VCL: variants seen among roughly 807,000 people sequenced by gnomAD.
VCL encodes the protein vinculin.
Under a neutral mutation model 125.7 loss-of-function variants are expected in VCL, and 47 were observed. The ratio of observed to expected loss-of-function variants is 0.37; its 90% CI spans 0.30 to 0.48. The LOEUF is 0.48. Ranked by LOEUF, VCL falls within the 20% of genes least tolerant of loss-of-function variation. The pLI is 0.99. For missense variants in VCL, 1,069 were observed against 1,455.5 expected, an observed-to-expected ratio of 0.73 and a Z score of 4.32; for synonymous variants, 458 against 514.6, an observed-to-expected ratio of 0.89 and a Z score of 1.49.
intron 18 of VCL, among the ~76,000 whole-genome samples, chr10:74,110,089 T>C (rs1840197576): frequency 6.6e-6 from 1 of 152,178 alleles, no homozygotes; most frequent in Non-Finnish European, 1.5e-5. Flanking sequence ...TTTGCTGAAC[T>C]GTTAGCTGTG....
At chr10:74,047,078 A>G (rs959061205) in intron 2 of VCL, among the ~76,000 whole-genome samples, 3 of 152,206 alleles carry the variant, frequency 2.0e-5, no homozygotes, top group South Asian at 2.1e-4. Context: ...AGAGTAGCCC[A>G]ATAGCCCTAG....
Position 74,095,809 on chromosome 10 carries a change from G to C in VCL, c.1697G>C (p.Ser566Thr). The C allele has an allele frequency of 6.2e-7, 1 of 1,614,156 alleles. No individual in the cohort carries two copies. The highest frequency in any genetic ancestry group is 8.5e-7 in the Non-Finnish European group (1 of 1,180,036). Residue 566 changes from serine (S) to threonine (T), a missense_variant, in exon 12 of 22, where the codon AGT becomes ACT. Ser to Thr is a moderately conservative substitution (Grantham distance 58, BLOSUM62 1). This residue lies in a region of VCL where 760 missense variants were observed against 928.9 expected (regional missense o/e 0.82). Coordinates refer to ENST00000211998, the MANE Select transcript of VCL (RefSeq NM_014000.3). Reference protein sequence around the residue: ...ADLAARGEGESPQARALASQL... With the variant: ...ADLAARGEGETPQARALASQL... ...CTGGCTGCCAGAGGGGAAGGGGAGA[G>C]TCCTCAGGCACGAGCACTTGCATCT...
intron 1 of VCL, among the ~76,000 whole-genome samples, chr10:74,032,644 G>A (rs1382898545): frequency 2.0e-5 from 3 of 151,298 alleles, no homozygotes; most frequent in Admixed American, 2.0e-4. Flanking sequence ...AGGTTGCAGT[G>A]AGCCCAGATT....
intron 1 of VCL, among the ~76,000 whole-genome samples, chr10:74,008,697 C>T (rs767337569): frequency 3.3e-5 from 5 of 152,136 alleles, no homozygotes; most frequent in Non-Finnish European, 5.9e-5. Flanking sequence ...GTCATGGTTC[C>T]GACAGCGGGG....
In VCL at chr10:74,097,010, AC is replaced by A. The variant is rs150514819; in HGVS notation, c.1744-192del. Among the ~76,000 whole-genome samples the A allele has an allele frequency of 0.017, 2,537 of 152,270 alleles. 74 individuals carry two copies. Among genetic ancestry groups the A allele is most frequent in the African/African-American group, 0.058 (2,399 of 41,534 alleles). On this transcript the variant is annotated intron_variant, in intron 12 of 21. Coordinates refer to ENST00000211998, the MANE Select transcript of VCL (RefSeq NM_014000.3). The surrounding 1 kb of genome is among the most constrained non-coding windows in gnomAD (Gnocchi z 4.1). ...GTGGGTCATGTCTTATTTCTACTAC[AC>A]CACTAATGTCTTACAGGGCAGGATT... is the stretch of plus-strand genomic sequence containing the variant.
chr10:74,011,165 C>CAA lies in VCL; in HGVS notation c.168+12815_168+12816dup, dbSNP rs71021585. The stretch of plus-strand genomic sequence containing the variant: ...GGGCAACAAGAGTGAAACTCTATCT[C>CAA]AAAAAAAAAAAAAAAAAAAAAAAAA... On this transcript the variant is annotated intron_variant, in intron 1 of 21. Coordinates refer to ENST00000211998, the MANE Select transcript of VCL (RefSeq NM_014000.3). Among the ~76,000 whole-genome samples, 38 of 52,320 alleles carry CAA rather than the reference C, an allele frequency of 7.3e-4. 1 individual carries two copies. The highest frequency in any genetic ancestry group is 1.7e-3 in the Admixed American group (7 of 4,030). 34.3% of individuals were successfully genotyped at this position (52,320 alleles called of 152,430 possible).
chr10:74,068,896 G>A (rs1386686849), intron 2 of VCL, among the ~76,000 whole-genome samples: 2 of 151,418 alleles, frequency 1.3e-5, no homozygotes, highest in East Asian at 1.9e-4. Context: ...TTAAATATGT[G>A]TATATGCTTG....
At chr10:74,021,433 T>A (rs911583783) in intron 1 of VCL, among the ~76,000 whole-genome samples, 1 of 152,164 alleles carries the variant, frequency 6.6e-6, no homozygotes, top group African/African-American at 2.4e-5. Flanking sequence ...ATAAAAATTC[T>A]GAGTCATAGA....
intron 11 of VCL, 135 bp downstream of exon 11, chr10:74,094,596 C>A: frequency 9.0e-7 from 1 of 1,106,056 alleles, no homozygotes; most frequent in Non-Finnish European, 1.3e-6. Flanking sequence ...GATTCCATTT[C>A]CAAATGCAGC....
At chr10:74,051,411 A>G (rs997730624) in intron 2 of VCL, among the ~76,000 whole-genome samples, 3 of 151,784 alleles carry the variant, frequency 2.0e-5, no homozygotes, top group African/African-American at 7.3e-5. Context: ...TAATTTTTGT[A>G]TTTTTAGTAG....
chr10:74,050,416 A>G (rs12411947), intron 2 of VCL, among the ~76,000 whole-genome samples: 3,892 of 152,280 alleles, frequency 0.026, 60 homozygotes, highest in East Asian at 0.06. Flanking sequence ...CAGTTATGGT[A>G]TTTACTTATA....
At chr10:74,020,295 AT>A (rs1840636068) in intron 1 of VCL, among the ~76,000 whole-genome samples, 1 of 152,162 alleles carries the variant, frequency 6.6e-6, no homozygotes. Context: ...CTCATCAATG[AT>A]TTTATTGAAG....
intron 2 of VCL, among the ~76,000 whole-genome samples, chr10:74,057,546 C>T (rs1841409323): frequency 6.6e-6 from 1 of 152,180 alleles, no homozygotes; most frequent in African/African-American, 2.4e-5. Flanking sequence ...CCTGTCTTCT[C>T]ACTCAGGCCT....
In VCL at chr10:74,105,199, C is replaced by T; in HGVS notation, c.2280C>T (p.Ala760=). 6.2e-7 allele frequency: 1 copy of T among 1,614,170 alleles called. No homozygotes were observed. The highest frequency in any genetic ancestry group is 8.5e-7 in the Non-Finnish European group (1 of 1,180,024). The part of the protein sequence containing the change: ...VAGATSIARR[A]NRILLVAKRE... Reference sequence around the variant, plus strand: ...GGGCAACCAGTATTGCTCGTCGGGCCAACCGGATCCTGCTGGTGGCTAAGA... The same window carrying T: ...GGGCAACCAGTATTGCTCGTCGGGCTAACCGGATCCTGCTGGTGGCTAAGA... Residue 760 remains alanine, a synonymous_variant, in exon 16 of 22, where the codon GCC becomes GCT. Coordinates refer to ENST00000211998, the MANE Select transcript of VCL (RefSeq NM_014000.3).
intron 1 of VCL, among the ~76,000 whole-genome samples, chr10:74,018,201 T>TATATATATATAA (rs1433937715): frequency 4.3e-5 from 6 of 139,798 alleles, no homozygotes; most frequent in African/African-American, 1.0e-4. Context: ...TATATATATA[T>TATATATATATAA]AAATACATAT....
chr10:74,013,570 A>G (rs1840476712), intron 1 of VCL, among the ~76,000 whole-genome samples: 1 of 152,020 alleles, frequency 6.6e-6, no homozygotes, highest in Non-Finnish European at 1.5e-5. Context: ...TCAGCACATG[A>G]TAAAAATTTT....
intron 1 of VCL, among the ~76,000 whole-genome samples, chr10:74,020,011 C>T (rs1288230269): frequency 2.0e-5 from 3 of 150,796 alleles, no homozygotes; most frequent in Non-Finnish European, 2.9e-5. Context: ...TGCAGTGCGC[C>T]GAGATCGCGA....
rs1317899826 is a variant in VCL at position 74,097,424 on chromosome 10, G to T, written c.1872+92G>T. 1 of 1,569,646 alleles carries T rather than the reference G, an allele frequency of 6.4e-7. No homozygotes were observed. Among genetic ancestry groups the T allele is most frequent in the Admixed American group, 1.7e-5 (1 of 59,312 alleles). On this transcript the variant is annotated intron_variant, in intron 13 of 21. Transcript: ENST00000211998. The surrounding 1 kb of genome is among the most constrained non-coding windows in gnomAD (Gnocchi z 4.1). ...GATTACAGTGGACATCAGGATCAGTGGTTGGGAAACTGTAGATGAAGGGTG... is the reference window on the plus strand; with the variant it reads ...GATTACAGTGGACATCAGGATCAGTTGTTGGGAAACTGTAGATGAAGGGTG...
At chr10:74,015,426 C>T (rs1474019441) in intron 1 of VCL, among the ~76,000 whole-genome samples, 3 of 152,022 alleles carry the variant, frequency 2.0e-5, no homozygotes, top group Non-Finnish European at 2.9e-5. Context: ...TGGTGGCTTG[C>T]GCCTGTAATC....
Sources: allele counts gnomAD v4.1 joint callset (sites outside exome capture counted in the v4.1 genomes callset), GRCh38; gene constraint gnomAD v4.1.1; regional missense constraint gnomAD v4.1.1; non-coding constraint Gnocchi (gnomAD v3.1); transcripts MANE v1.5; gene names NCBI Gene and HGNC (gene_info 2026-07-23, HGNC 2026-07-21).